The following PABPC4L variants were observed in gnomAD, a reference collection of about 807,000 sequenced individuals.
PABPC4L encodes the protein poly(A) binding protein cytoplasmic 4 like.
For synonymous variants in PABPC4L, 169 were observed against 164.1 expected (o/e 1.03, Z -0.23); for missense variants, 452 against 451.4 (o/e 1.00, Z -0.01).
the PABPC4L span, among the ~76,000 whole-genome samples, chr4:134,100,624 A>G: frequency 6.6e-6 from 1 of 151,576 alleles, no homozygotes; most frequent in Non-Finnish European, 1.5e-5. Context: ...CTACCTCTCT[A>G]TGTACCCTCA....
At chr4:134,089,248 CT>C in the PABPC4L span, among the ~76,000 whole-genome samples, 2 of 151,448 alleles carry the variant, frequency 1.3e-5, no homozygotes, top group Non-Finnish European at 2.9e-5. Context: ...TTTTTTAGTT[CT>C]TTTTTAATAG....
chr4:134,064,696 C>A, the PABPC4L span, among the ~76,000 whole-genome samples: 1 of 152,008 alleles, frequency 6.6e-6, no homozygotes, highest in Non-Finnish European at 1.5e-5. Context: ...TATTTTGTCA[C>A]CCAGGTAAGA....
At chr4:134,133,518 A>C in the PABPC4L span, among the ~76,000 whole-genome samples, 1 of 150,010 alleles carries the variant, frequency 6.7e-6, no homozygotes, top group Non-Finnish European at 1.5e-5. Flanking sequence ...TGAATGAAAT[A>C]ATGGCATTTG....
the PABPC4L span, among the ~76,000 whole-genome samples, chr4:134,077,712 C>T: frequency 6.6e-6 from 1 of 152,000 alleles, no homozygotes; most frequent in African/African-American, 2.4e-5. Flanking sequence ...TTCTAACCTC[C>T]CCTTCATTAT....
the PABPC4L span, among the ~76,000 whole-genome samples, chr4:133,964,912 C>T: frequency 2.0e-5 from 3 of 152,062 alleles, no homozygotes; most frequent in African/African-American, 7.2e-5. Flanking sequence ...TGGAACAAGA[C>T]AAGGATACTC....
chr4:134,016,647 A>T, the PABPC4L span, among the ~76,000 whole-genome samples: 5 of 152,172 alleles, frequency 3.3e-5, no homozygotes, highest in Admixed American at 3.3e-4. Context: ...TTCTTAGACC[A>T]AGGAAAATAT....
At chr4:133,984,697 A>G in the PABPC4L span, among the ~76,000 whole-genome samples, 1 of 151,900 alleles carries the variant, frequency 6.6e-6, no homozygotes, top group African/African-American at 2.4e-5. Flanking sequence ...TAGATCATGT[A>G]AATGACCCAT....
At chr4:134,155,631 T>C in the PABPC4L span, among the ~76,000 whole-genome samples, 1 of 152,026 alleles carries the variant, frequency 6.6e-6, no homozygotes, top group Admixed American at 6.6e-5. Context: ...GAATTACATA[T>C]AATCATTTAA....
At chr4:134,008,804 C>T in the PABPC4L span, among the ~76,000 whole-genome samples, 1 of 151,572 alleles carries the variant, frequency 6.6e-6, no homozygotes, top group Admixed American at 6.6e-5. Flanking sequence ...GAGGAAATAT[C>T]TCAGTATCTT....
the PABPC4L span, among the ~76,000 whole-genome samples, chr4:134,151,436 A>G: frequency 1.3e-5 from 2 of 152,042 alleles, no homozygotes; most frequent in African/African-American, 4.8e-5. Context: ...TCATATTATA[A>G]TGTCTTAAGA....
At chr4:134,091,775 T>C in the PABPC4L span, among the ~76,000 whole-genome samples, 4 of 151,988 alleles carry the variant, frequency 2.6e-5, no homozygotes, top group East Asian at 7.7e-4. Flanking sequence ...AATAGTAACA[T>C]GATTACATCT....
chr4:134,187,362 C>A, the PABPC4L span, among the ~76,000 whole-genome samples: 4 of 151,820 alleles, frequency 2.6e-5, no homozygotes, highest in Non-Finnish European at 5.9e-5. Flanking sequence ...ACTATTCAGC[C>A]ATAAAAAAGG....
the PABPC4L span, among the ~76,000 whole-genome samples, chr4:134,021,877 A>G: frequency 1.3e-5 from 2 of 151,940 alleles, no homozygotes; most frequent in African/African-American, 4.8e-5. Context: ...CCATTTCCTC[A>G]TTAGTTACTG....
chr4:134,199,369 T>A lies in PABPC4L; in HGVS notation c.*538A>T, dbSNP rs1729769710. On this transcript the variant is annotated 3_prime_UTR_variant, in exon 2 of 2. Transcript: ENST00000421491. ...TATAAATTTAAAAGAAATTCAACTA[T>A]ATCTGACTATTTTAAGCATTAATTC... The A allele has an allele frequency of 6.6e-6, 1 of 152,158 alleles. No homozygotes were observed. The highest frequency in any genetic ancestry group is 2.4e-5 in the African/African-American group (1 of 41,452). The allele number at this position is 152,158 out of a possible 1,614,324, so 9.4% of individuals were successfully genotyped here. A position where few individuals can be genotyped will look rare whatever the true frequency, so the allele number is the denominator to read the frequency against.
At chr4:134,099,474 C>A in the PABPC4L span, among the ~76,000 whole-genome samples, 1 of 151,694 alleles carries the variant, frequency 6.6e-6, no homozygotes, top group Non-Finnish European at 1.5e-5. Context: ...TTGTAAATAT[C>A]AGTTATTTGG....
chr4:133,959,003 A>G, the PABPC4L span, among the ~76,000 whole-genome samples: 32 of 152,318 alleles, frequency 2.1e-4, no homozygotes, highest in African/African-American at 7.5e-4. Context: ...TCACTTCTTC[A>G]TCAAACTTTG....
chr4:134,106,470 G>T, the PABPC4L span, among the ~76,000 whole-genome samples: 1 of 151,338 alleles, frequency 6.6e-6, no homozygotes, highest in Non-Finnish European at 1.5e-5. Flanking sequence ...AAATAGAAGT[G>T]TAAGAAGCAA....
chr4:134,012,157 G>A, the PABPC4L span, among the ~76,000 whole-genome samples: 3 of 152,012 alleles, frequency 2.0e-5, no homozygotes, highest in African/African-American at 7.2e-5. Context: ...CTGTAAAACT[G>A]GTATAATAGT....
chr4:134,167,168 G>A, the PABPC4L span, among the ~76,000 whole-genome samples: 11 of 152,114 alleles, frequency 7.2e-5, no homozygotes, highest in Non-Finnish European at 1.5e-4. Flanking sequence ...GCCACAGAAT[G>A]TACAACACCA....
Sources: allele counts gnomAD v4.1 joint callset (sites outside exome capture counted in the v4.1 genomes callset), GRCh38; gene constraint gnomAD v4.1.1; transcripts MANE v1.5; gene names NCBI Gene and HGNC (gene_info 2026-07-23, HGNC 2026-07-21).